Variants in RBFOX1 observed in about 807,000 individuals in gnomAD.
RBFOX1 encodes the protein RNA binding fox-1 homolog 1, also known as RNA binding protein fox-1 homolog 1.
RBFOX1 carries 8 observed loss-of-function variants against 57.7 expected under a neutral mutation model. The observed-to-expected ratio is 0.14, with a 90% CI of 0.08 to 0.25. The LOEUF (loss-of-function observed/expected upper bound fraction) is 0.25, where lower values mean the gene tolerates loss of function less well. RBFOX1 is among the 10% of genes least tolerant of loss of function. The pLI is 1.00. For missense variants in RBFOX1, 611 were observed against 548.5 expected, an observed-to-expected ratio of 1.11 and a Z score of -1.14; for synonymous variants, 326 against 222.4, an observed-to-expected ratio of 1.47 and a Z score of -4.15.
chr16:7,013,724 C>G lies in RBFOX1; in HGVS notation c.-15-38333C>G, dbSNP rs897114489. On this transcript the variant is annotated intron_variant, in intron 3 of 15. Coordinates refer to ENST00000550418, the MANE Select transcript of RBFOX1 (RefSeq NM_018723.4). The stretch of plus-strand genomic sequence containing the variant: ...CCAGGCTGGAGTGCACTGGCACAAT[C>G]ACTGCTCACTGCAGCCTCAAACTCC... 6.6e-5 allele frequency among the ~76,000 whole-genome samples: 10 copies of G among 151,790 alleles called. 1 individual carries two copies. The highest frequency in any genetic ancestry group is 5.2e-4 in the Admixed American group (8 of 15,264).
At chr16:7,243,329 T>G (rs1170031796) in intron 4 of RBFOX1, among the ~76,000 whole-genome samples, 1 of 152,184 alleles carries the variant, frequency 6.6e-6, no homozygotes, top group Non-Finnish European at 1.5e-5. Context: ...GCAACTAGAC[T>G]TCTCTGACCT....
At chr16:7,349,359 G>A (rs989269191) in intron 4 of RBFOX1, among the ~76,000 whole-genome samples, 2 of 152,042 alleles carry the variant, frequency 1.3e-5, no homozygotes, top group Admixed American at 6.5e-5. Flanking sequence ...AAGTGACTTC[G>A]CTTTCTCTCT....
At chr16:7,122,513 G>A (rs1239032444) in intron 4 of RBFOX1, among the ~76,000 whole-genome samples, 1 of 152,046 alleles carries the variant, frequency 6.6e-6, no homozygotes, top group Non-Finnish European at 1.5e-5. Flanking sequence ...ATGAAAACTA[G>A]GATGGAATAC....
At chr16:7,701,344 C>T (rs1392096429) in intron 14 of RBFOX1, among the ~76,000 whole-genome samples, 1 of 152,124 alleles carries the variant, frequency 6.6e-6, no homozygotes, top group Non-Finnish European at 1.5e-5. Context: ...TGCAGCCGCC[C>T]CCTCTCACTC....
At chr16:6,891,241 G>A (rs1449117759) in intron 3 of RBFOX1, among the ~76,000 whole-genome samples, 2 of 152,194 alleles carry the variant, frequency 1.3e-5, no homozygotes, top group Non-Finnish European at 2.9e-5. Flanking sequence ...TATGAATCAT[G>A]AATCCTGCTA....
chr16:6,735,588 C>T (rs1036451539), intron 3 of RBFOX1, among the ~76,000 whole-genome samples: 1 of 152,060 alleles, frequency 6.6e-6, no homozygotes, highest in South Asian at 2.1e-4. Context: ...TGCTTATGTC[C>T]CATTGCATGG....
chr16:6,908,961 C>T (rs938761916), intron 3 of RBFOX1, among the ~76,000 whole-genome samples: 2 of 152,160 alleles, frequency 1.3e-5, no homozygotes, highest in African/African-American at 4.8e-5. Context: ...CCCCAACACG[C>T]TCTCTCTGGG....
intron 1 of RBFOX1, among the ~76,000 whole-genome samples, chr16:5,460,460 G>T (rs1046597564): frequency 6.6e-6 from 1 of 152,196 alleles, no homozygotes; most frequent in African/African-American, 2.4e-5. Flanking sequence ...CCATTGAAAA[G>T]AGGGGCACAT....
intron 3 of RBFOX1, among the ~76,000 whole-genome samples, chr16:6,769,189 C>T (rs951082056): frequency 6.6e-6 from 1 of 152,134 alleles, no homozygotes; most frequent in African/African-American, 2.4e-5. Flanking sequence ...GCATAAGCCT[C>T]ATGAGATCCG....
At chr16:6,252,234 T>G (rs1244585294) in intron 1 of RBFOX1, among the ~76,000 whole-genome samples, 1 of 152,194 alleles carries the variant, frequency 6.6e-6, no homozygotes, top group East Asian at 1.9e-4. Flanking sequence ...CCATTTCTTC[T>G]CTCAATACGC....
At chr16:5,357,416 G>T (rs2151329123) in intron 1 of RBFOX1, among the ~76,000 whole-genome samples, 1 of 152,310 alleles carries the variant, frequency 6.6e-6, no homozygotes, top group Non-Finnish European at 1.5e-5. Context: ...TTTCTGCATT[G>T]TTCACAAGAG....
At chr16:7,117,707 T>C (rs1006004230) in intron 4 of RBFOX1, among the ~76,000 whole-genome samples, 1 of 152,192 alleles carries the variant, frequency 6.6e-6, no homozygotes, top group Non-Finnish European at 1.5e-5. Flanking sequence ...ATCTAACAGT[T>C]TCTGTGTATC....
At chr16:5,801,282 G>A (rs1211576546) in intron 3 of RBFOX1, among the ~76,000 whole-genome samples, 1 of 150,788 alleles carries the variant, frequency 6.6e-6, no homozygotes, top group Non-Finnish European at 1.5e-5. Flanking sequence ...TTTACATTAA[G>A]CACTTTCAAA....
At chr16:7,446,784 A>C (rs75401136) in intron 4 of RBFOX1, among the ~76,000 whole-genome samples, 4,340 of 145,244 alleles carry the variant, frequency 0.03, 238 homozygotes, top group African/African-American at 0.11. Flanking sequence ...TCTCAAGCCA[A>C]GGTAGGTCTA....
chr16:7,073,531 A>T, intron 4 of RBFOX1, among the ~76,000 whole-genome samples: 1 of 152,292 alleles, frequency 6.6e-6, no homozygotes. Context: ...GAAATGTCCA[A>T]TGGTAAATGT....
rs193291403 is a variant in RBFOX1 at position 7,526,493 on chromosome 16, C to A, written c.270+8104C>A. Reference sequence around the variant, plus strand: ...TATAACTCCCTTCCTCAGCTGTGACCCTTCTCCAGATCTCCTCCCTTTTTT... The same window carrying A: ...TATAACTCCCTTCCTCAGCTGTGACACTTCTCCAGATCTCCTCCCTTTTTT... On this transcript the variant is annotated intron_variant, in intron 5 of 15. Transcript: ENST00000550418. Among the ~76,000 whole-genome samples the A allele has an allele frequency of 3.3e-5, 5 of 152,260 alleles. No homozygotes were observed. In the East Asian group the frequency reaches 9.7e-4, roughly 29 times the overall value.
chr16:7,383,636 C>A (rs2097823826), intron 4 of RBFOX1, among the ~76,000 whole-genome samples: 2 of 152,062 alleles, frequency 1.3e-5, no homozygotes. Context: ...AATATGACAC[C>A]TTCATGATAA....
chr16:7,549,228 G>A (rs925768405), intron 5 of RBFOX1, among the ~76,000 whole-genome samples: 1 of 152,198 alleles, frequency 6.6e-6, no homozygotes, highest in Admixed American at 6.5e-5. Flanking sequence ...CAATGCCTAT[G>A]ACTTCACTAG....
chr16:5,261,801 G>C (rs2062740842), intron 1 of RBFOX1, among the ~76,000 whole-genome samples: 1 of 152,056 alleles, frequency 6.6e-6, no homozygotes, highest in Non-Finnish European at 1.5e-5. Context: ...CCGCTGGCCT[G>C]GGCCTCCCAA....
Sources: gnomAD v4.1 joint callset for allele counts (sites outside exome capture counted in the v4.1 genomes callset) on GRCh38, gnomAD v4.1.1 for gene constraint, MANE v1.5 for transcripts, NCBI Gene and HGNC (gene_info 2026-07-23, HGNC 2026-07-21) for gene names.